Variants in CADPS2 observed in about 807,000 individuals in gnomAD.
CADPS2 encodes calcium dependent secretion activator 2, also known as calcium-dependent secretion activator 2.
CADPS2 carries 93 observed loss-of-function variants against 172.5 expected under a neutral mutation model. The observed-to-expected ratio is 0.54, with a 90% CI of 0.46 to 0.64. The LOEUF is 0.64. Among genes scored for constraint, CADPS2 ranks in the 30% least tolerant of loss-of-function variants. CADPS2 has a pLI of 0.00. For missense variants in CADPS2, 1,420 were observed against 1,565.9 expected (o/e 0.91, Z 1.57); for synonymous variants, 546 against 555.2 (o/e 0.98, Z 0.23).
At chr7:122,576,434 C>T (rs939739809) in intron 7 of CADPS2, among the ~76,000 whole-genome samples, 1 of 152,128 alleles carries the variant, frequency 6.6e-6, no homozygotes, top group African/African-American at 2.4e-5. Context: ...TAGAGTACAA[C>T]TAATTTCATC....
chr7:122,652,082 C>T (rs528093542), intron 3 of CADPS2, among the ~76,000 whole-genome samples: 1 of 152,300 alleles, frequency 6.6e-6, no homozygotes, highest in Admixed American at 6.5e-5. Context: ...AGCATCTACT[C>T]ATTTTGGAGA....
chr7:122,359,886 G>C (rs1477818111), intron 27 of CADPS2, among the ~76,000 whole-genome samples: 1 of 152,170 alleles, frequency 6.6e-6, no homozygotes, highest in Non-Finnish European at 1.5e-5. Context: ...AATAAAGCCA[G>C]AGACAAAATG....
At position 122,759,001 on chromosome 7, in the gene CADPS2, G is replaced by GAA. The variant is rs398040103; in HGVS notation, c.340-21935_340-21934dup. On this transcript the variant is annotated intron_variant, in intron 1 of 29. Transcript: ENST00000449022. Reference sequence around the variant, plus strand: ...GCATCCTAGGATTTTCTTATTTCAGGAAAAAAAAAAAAATTAAAGGTCCTT... The same window carrying GAA: ...GCATCCTAGGATTTTCTTATTTCAGGAAAAAAAAAAAAAAATTAAAGGTCCTT... Among the ~76,000 whole-genome samples, 1,165 of 144,774 alleles carry GAA rather than the reference G, an allele frequency of 8.0e-3. 15 individuals carry two copies. The highest frequency in any genetic ancestry group is 0.026 in the African/African-American group (1,048 of 40,020). The allele number at this position is 144,774 out of a possible 152,430, so 95.0% of individuals were successfully genotyped here.
chr7:122,840,663 C>A, intron 1 of CADPS2, among the ~76,000 whole-genome samples: 1 of 151,812 alleles, frequency 6.6e-6, no homozygotes, highest in East Asian at 1.9e-4. Context: ...CACCTGTAGT[C>A]CCAGGTACTC....
At chr7:122,682,177 CA>C (rs1412278103) in intron 2 of CADPS2, among the ~76,000 whole-genome samples, 1 of 152,232 alleles carries the variant, frequency 6.6e-6, no homozygotes, top group Non-Finnish European at 1.5e-5. Context: ...AAGATCACTG[CA>C]CCCTACCTGG....
In CADPS2 at chr7:122,779,057, CTT is replaced by C. The variant is rs887294031; in HGVS notation, c.340-41991_340-41990del. On this transcript the variant is annotated intron_variant, in intron 1 of 29. Coordinates refer to ENST00000449022, the MANE Select transcript of CADPS2 (RefSeq NM_017954.11). Reference sequence around the variant, plus strand: ...AGGGCAGTCCCTCTGCACACACTCTCTTGTCTGCCACCACGTAAGATGTACCT... The same window carrying C: ...AGGGCAGTCCCTCTGCACACACTCTCGTCTGCCACCACGTAAGATGTACCT... Among the ~76,000 whole-genome samples the C allele has an allele frequency of 2.5e-4, 38 of 152,332 alleles. 1 individual carries two copies. The highest frequency in any genetic ancestry group is 1.9e-3 in the East Asian group (10 of 5,184).
chr7:122,737,012 C>T lies in CADPS2; in HGVS notation c.396G>A (p.Gly132=). The T allele has an allele frequency of 6.2e-7, 1 of 1,612,790 alleles. No homozygotes were observed. Among genetic ancestry groups the T allele is most frequent in the East Asian group, 2.2e-5 (1 of 44,788 alleles). The change falls in exon 2 of 30, where the codon GGG becomes GGA. Residue 132 remains glycine, a synonymous_variant. Coordinates refer to ENST00000449022, the MANE Select transcript of CADPS2 (RefSeq NM_017954.11). ...CTTCGTCAGCTACAATTTGGGTTTC[C>T]CCATTGAGGAAGGCCTGGAACCGTT... ...LKERFQAFLN[G]ETQIVADEAF...
intron 17 of CADPS2, among the ~76,000 whole-genome samples, chr7:122,437,598 T>TTA (rs1469162980): frequency 6.6e-6 from 1 of 152,092 alleles, no homozygotes; most frequent in Non-Finnish European, 1.5e-5. Flanking sequence ...TTTCCCTCTA[T>TTA]TAGTTAATCC....
chr7:122,583,630 T>TA (rs952335080), intron 6 of CADPS2, among the ~76,000 whole-genome samples: 15 of 150,750 alleles, frequency 1.0e-4, no homozygotes, highest in Middle Eastern at 3.6e-3. Context: ...ACATAATATA[T>TA]AAAAAATATA....
At chr7:122,522,271 T>C in intron 8 of CADPS2, among the ~76,000 whole-genome samples, 1 of 151,966 alleles carries the variant, frequency 6.6e-6, no homozygotes. Context: ...CATGTCACCA[T>C]ACCCAGCTAA....
At chr7:122,592,324 A>G (rs2070960604) in intron 6 of CADPS2, among the ~76,000 whole-genome samples, 1 of 152,176 alleles carries the variant, frequency 6.6e-6, no homozygotes, top group Admixed American at 6.5e-5. Flanking sequence ...CAATCATTAA[A>G]AAGTCAGGAA....
At chr7:122,705,911 T>TAA (rs1491293247) in intron 2 of CADPS2, among the ~76,000 whole-genome samples, 423 of 1,182 alleles carry the variant, frequency 0.36, 168 homozygotes, top group African/African-American at 0.42. Context: ...ATATAATATA[T>TAA]TATATAATAT....
At chr7:122,666,045 T>TTA (rs1554705894) in intron 2 of CADPS2, among the ~76,000 whole-genome samples, 2 of 61,606 alleles carry the variant, frequency 3.2e-5, no homozygotes, top group African/African-American at 5.2e-5. Context: ...CCTCATCTAA[T>TTA]CACTCATTGA....
chr7:122,757,674 T>C (rs1445145901), intron 1 of CADPS2, among the ~76,000 whole-genome samples: 1 of 145,520 alleles, frequency 6.9e-6, no homozygotes, highest in Non-Finnish European at 1.5e-5. Flanking sequence ...GTTTGGACGT[T>C]CAATCCCTAG....
chr7:122,809,646 G>GTCCCCCA (rs1799595133), intron 1 of CADPS2, among the ~76,000 whole-genome samples: 2 of 151,258 alleles, frequency 1.3e-5, no homozygotes, highest in Non-Finnish European at 2.9e-5. Context: ...TAAATATTTT[G>GTCCCCCA]GTCTAATTTG....
At chr7:122,857,767 C>T (rs910262312) in intron 1 of CADPS2, among the ~76,000 whole-genome samples, 1 of 152,268 alleles carries the variant, frequency 6.6e-6, no homozygotes. Flanking sequence ...CTGGTGGGTT[C>T]GTGGTCTCGC....
At chr7:122,868,617 A>G (rs4475406) in intron 1 of CADPS2, among the ~76,000 whole-genome samples, 29,423 of 152,126 alleles carry the variant, frequency 0.19, 2,969 homozygotes, top group Middle Eastern at 0.26. Context: ...CCAACAAGAC[A>G]GGAAGGGGTG....
At chr7:122,872,337 TG>T (rs1819981037) in intron 1 of CADPS2, among the ~76,000 whole-genome samples, 1 of 152,146 alleles carries the variant, frequency 6.6e-6, no homozygotes, top group African/African-American at 2.4e-5. Flanking sequence ...CCTCCCTCTC[TG>T]TCATTTCAGG....
intron 2 of CADPS2, among the ~76,000 whole-genome samples, chr7:122,667,670 A>G (rs1376997253): frequency 6.6e-6 from 1 of 152,198 alleles, no homozygotes; most frequent in African/African-American, 2.4e-5. Context: ...GAGAAAAGGC[A>G]AAAGAAAAGA....
Sources: allele counts gnomAD v4.1 joint callset (sites outside exome capture counted in the v4.1 genomes callset), GRCh38; gene constraint gnomAD v4.1.1; transcripts MANE v1.5; gene names NCBI Gene and HGNC (gene_info 2026-07-23, HGNC 2026-07-21).